Variants in MME observed in about 807,000 individuals in gnomAD.
The protein encoded by MME is neprilysin.
In MME, 98 loss-of-function variants were observed where a neutral mutation model predicts 113.2. The observed-to-expected ratio is 0.87, with a 90% CI of 0.74 to 1.02. MME has a LOEUF of 1.02. Among genes scored for constraint, MME ranks in the 50% least tolerant of loss-of-function variants. MME has a pLI of 0.00. For synonymous variants in MME, 292 were observed against 300.6 expected (o/e 0.97, Z 0.30); for missense variants, 836 against 896.0 (o/e 0.93, Z 0.86).
At chr3:155,077,690 C>G (rs1165419622), upstream of MME, among the ~76,000 whole-genome samples, 3 of 150,548 alleles carry the variant, frequency 2.0e-5, no homozygotes, top group Admixed American at 2.0e-4. Context: ...GCCTGGGCAA[C>G]ACAGTCAGAC....
chr3:155,169,455 AAAGC>A (rs1296792119), intron 20 of MME, among the ~76,000 whole-genome samples: 2 of 152,190 alleles, frequency 1.3e-5, no homozygotes, highest in Admixed American at 1.3e-4. Context: ...AGCTGGAGAT[AAAGC>A]AATGAATGCT....
chr3:155,106,730 A>AT (rs1479312132), intron 3 of MME, among the ~76,000 whole-genome samples: 1 of 152,148 alleles, frequency 6.6e-6, no homozygotes, highest in Non-Finnish European at 1.5e-5. Flanking sequence ...GTCAAAAGAG[A>AT]TTTTTAAATT....
intron 1 of MME, among the ~76,000 whole-genome samples, chr3:155,025,526 A>T (rs1288076349): frequency 3.3e-5 from 5 of 150,370 alleles, no homozygotes; most frequent in Non-Finnish European, 5.9e-5. Context: ...CAGGAGGCTG[A>T]ACCAGGAGAA....
chr3:155,146,525 C>G (rs1438208527), intron 14 of MME, among the ~76,000 whole-genome samples: 1 of 142,694 alleles, frequency 7.0e-6, no homozygotes, highest in Non-Finnish European at 1.5e-5. Context: ...GACCTTGTCT[C>G]AAAAGAAAAA....
chr3:155,069,407 A>T (rs1394076479), intron 1 of MME, among the ~76,000 whole-genome samples: 3 of 152,176 alleles, frequency 2.0e-5, no homozygotes, highest in Non-Finnish European at 4.4e-5. Context: ...AGTGAGAGGG[A>T]TGAAAGAATT....
intron 3 of MME, among the ~76,000 whole-genome samples, chr3:155,088,547 G>A (rs1218990065): frequency 2.6e-5 from 4 of 152,062 alleles, no homozygotes; most frequent in Non-Finnish European, 4.4e-5. Context: ...GCCGGGTGTG[G>A]TGGCGCATGC....
rs1049206403 is a variant in MME at position 155,127,968 on chromosome 3, G to T, written c.720+9157G>T. 2.6e-5 allele frequency among the ~76,000 whole-genome samples: 4 copies of T among 152,142 alleles called. No homozygotes were observed. The East Asian group carries it at 5.8e-4, about 22-fold the overall frequency. On this transcript the variant is annotated intron_variant, in intron 8 of 22. Transcript: ENST00000360490. ...TCAGCTTAATTAGGTGCTCTTCAACGATCTGAATCAGACTAGCAAACACGC... is the reference window on the plus strand; with the variant it reads ...TCAGCTTAATTAGGTGCTCTTCAACTATCTGAATCAGACTAGCAAACACGC...
intron 15 of MME, 46 bp downstream of exon 15, chr3:155,147,270 GGTA>G (rs747591775): frequency 8.4e-7 from 1 of 1,184,038 alleles, no homozygotes; most frequent in Non-Finnish European, 1.3e-6. Flanking sequence ...ACTTAGGGCT[GGTA>G]GTAGTGTCAT....
intron 1 of MME, among the ~76,000 whole-genome samples, chr3:155,064,475 T>C (rs531568532): frequency 4.5e-4 from 69 of 152,328 alleles, no homozygotes; most frequent in Non-Finnish European, 8.4e-4. Flanking sequence ...ATTTCTCTTG[T>C]TGATTCTGAG....
At chr3:155,125,419 T>C (rs1314706366) in intron 8 of MME, among the ~76,000 whole-genome samples, 1 of 148,360 alleles carries the variant, frequency 6.7e-6, no homozygotes, top group Admixed American at 6.8e-5. Flanking sequence ...GAGCTGTTCC[T>C]ATTCGGCCAA....
chr3:155,029,726 A>G lies in MME; in HGVS notation c.-11+5402A>G, dbSNP rs73874448. On this transcript the variant is annotated intron_variant, in intron 1 of 22. Coordinates refer to the MME transcript ENST00000492661. ...ACATTTACATGTTATTTTGGCAACAATTTTAAAACTAGTTCTACTTGCCAA... is the reference window on the plus strand; with the variant it reads ...ACATTTACATGTTATTTTGGCAACAGTTTTAAAACTAGTTCTACTTGCCAA... Among the ~76,000 whole-genome samples the G allele has an allele frequency of 2.2e-3, 331 of 152,260 alleles. 1 individual carries two copies. Among genetic ancestry groups the G allele is most frequent in the African/African-American group, 7.7e-3 (319 of 41,572 alleles).
At chr3:155,043,579 G>T (rs1343490463) in intron 1 of MME, among the ~76,000 whole-genome samples, 1 of 152,008 alleles carries the variant, frequency 6.6e-6, no homozygotes, top group African/African-American at 2.4e-5. Context: ...TGATCCACCC[G>T]CCTTGGCCTC....
intron 1 of MME, among the ~76,000 whole-genome samples, chr3:155,068,458 G>T (rs531053137): frequency 6.6e-6 from 1 of 152,196 alleles, no homozygotes; most frequent in South Asian, 2.1e-4. Context: ...TGTCAATTAC[G>T]CATTAATAAA....
At chr3:155,038,542 C>T (rs942112211) in intron 1 of MME, among the ~76,000 whole-genome samples, 3 of 152,134 alleles carry the variant, frequency 2.0e-5, no homozygotes, top group Admixed American at 6.6e-5. Context: ...AGCAACTAGA[C>T]TTTAATAATT....
rs184666602 is a variant in MME at position 155,168,763 on chromosome 3, T to C, written c.1946T>C (p.Ile649Thr). The stretch of plus-strand genomic sequence containing the variant: ...GGAATTAATACACTGGGAGAAAACA[T>C]TGCTGATAATGGAGGTCTTGGTCAA... ...LNGINTLGENIADNGGLGQAY... is the reference protein window; with the variant it reads ...LNGINTLGENTADNGGLGQAY... The change falls in exon 20 of 23, where the codon ATT (isoleucine) becomes ACT (threonine). Residue 649 changes from isoleucine (I) to threonine (T), a missense_variant. Transcript: ENST00000360490. The C allele has an allele frequency of 4.1e-5, 66 of 1,613,452 alleles. No individual in the cohort carries two copies. The Admixed American group carries it at 6.5e-4, about 16-fold the overall frequency.
intron 3 of MME, among the ~76,000 whole-genome samples, chr3:155,108,408 C>T (rs770322564): frequency 6.6e-5 from 10 of 152,028 alleles, no homozygotes; most frequent in Non-Finnish European, 1.0e-4. Context: ...TCAGCCTGGC[C>T]AACATGGGGA....
intron 17 of MME, among the ~76,000 whole-genome samples, chr3:155,165,093 A>C (rs1722993983): frequency 6.6e-6 from 1 of 152,192 alleles, no homozygotes; most frequent in Non-Finnish European, 1.5e-5. Flanking sequence ...CCTGCATAGC[A>C]ATGACCCAGG....
chr3:155,048,501 C>A (rs762296654), intron 1 of MME, among the ~76,000 whole-genome samples: 3 of 152,008 alleles, frequency 2.0e-5, no homozygotes, highest in African/African-American at 7.2e-5. Flanking sequence ...TTTAATGATA[C>A]CTTTTGTACT....
chr3:155,103,052 C>T (rs763522377), intron 3 of MME, among the ~76,000 whole-genome samples: 21 of 152,218 alleles, frequency 1.4e-4, no homozygotes, highest in Admixed American at 3.3e-4. Context: ...CCTCTCTCCT[C>T]TACCTTCAAC....
Sources: allele counts gnomAD v4.1 joint callset (sites outside exome capture counted in the v4.1 genomes callset), GRCh38; gene constraint gnomAD v4.1.1; transcripts MANE v1.5; gene names NCBI Gene and HGNC (gene_info 2026-07-23, HGNC 2026-07-21).